The following PEAR1 variants were observed in gnomAD, a reference collection of about 807,000 sequenced individuals.
PEAR1 encodes the protein multiple EGF-like domains protein 12.
A neutral mutation model predicts 131.2 loss-of-function variants in PEAR1; 113 were observed. The ratio of observed to expected loss-of-function variants is 0.86; its 90% CI spans 0.74 to 1.01. The LOEUF (loss-of-function observed/expected upper bound fraction) is 1.01, where lower values mean the gene tolerates loss of function less well. Ranked by LOEUF, PEAR1 falls within the 50% of genes least tolerant of loss-of-function variation. The pLI, the probability that PEAR1 is intolerant of heterozygous loss-of-function variation, is 0.00. For missense variants in PEAR1, 1,408 were observed against 1,391.1 expected (o/e 1.01, Z -0.19); for synonymous variants, 565 against 523.3 (o/e 1.08, Z -1.09).
Position 156,909,901 on chromosome 1 carries a change from A to G in PEAR1, c.1562A>G (p.Gln521Arg). ...CTPGWHGAHC[Q>R]LPCPKGQFGE... ...CCTGGGTGGCATGGGGCCCACTGCCAGCTGCCCTGTCCGGTGAGTGCTGGA... is the reference window on the plus strand; with the variant it reads ...CCTGGGTGGCATGGGGCCCACTGCCGGCTGCCCTGTCCGGTGAGTGCTGGA... Residue 521 changes from glutamine to arginine, a missense_variant, in exon 12 of 23, where the codon CAG becomes CGG. Transcript: ENST00000292357. 2.5e-6 allele frequency: 4 copies of G among 1,608,798 alleles called. No homozygotes were observed. The highest frequency in any genetic ancestry group is 3.4e-6 in the Non-Finnish European group (4 of 1,176,278).
rs1437180915 is a variant in PEAR1 at position 156,914,831 on chromosome 1, C to A, written c.*33C>A. The A allele has an allele frequency of 6.2e-7, 1 of 1,610,490 alleles. No homozygotes were observed. The highest frequency in any genetic ancestry group is 2.2e-5 in the East Asian group (1 of 44,788). ...GGATGGTATGGCAGAGGCCAGCACA[C>A]CTGGCTGTTGCTGCTCAAGGCTGGG... On this transcript the variant is annotated 3_prime_UTR_variant, in exon 23 of 23. Transcript: ENST00000292357.
chr1:156,908,288 T>C lies in PEAR1; in HGVS notation c.1063T>C (p.Tyr355His). 1 of 1,579,034 alleles carries C rather than the reference T, an allele frequency of 6.3e-7. No homozygotes were observed. Among genetic ancestry groups the C allele is most frequent in the Non-Finnish European group, 8.6e-7 (1 of 1,167,230 alleles). Residue 355 changes from tyrosine (Y) to histidine (H), a missense_variant, in exon 9 of 23, where the codon TAC becomes CAC. Transcript: ENST00000292357. This position sits in a 1 kb window ranked among gnomAD's most constrained non-coding sequence, Gnocchi z 4.2. ...CTDRLCPDGF[Y>H]GLSCQAPCTC... ...GGATCGCCTCTGCCCCGACGGCTTC[T>C]ACGGTCTCAGCTGCCAGGCCCCCTG...
intron 14 of PEAR1, 38 bp downstream of exon 14, chr1:156,910,418 AG>A: frequency 1.3e-6 from 2 of 1,562,730 alleles, no homozygotes; most frequent in Non-Finnish European, 1.7e-6. Context: ...TGCCACCAGC[AG>A]GGGGCAGTGT....
Position 156,910,600 on chromosome 1 carries a change from T to G in PEAR1, c.1826-18T>G, listed in dbSNP as rs754930432. 4 of 1,613,206 alleles carry G rather than the reference T, an allele frequency of 2.5e-6. No individual in the cohort carries two copies. Among genetic ancestry groups the G allele is most frequent in the East Asian group, 2.2e-5 (1 of 44,874 alleles). Reference sequence around the variant, plus strand: ...GATTGGCCTCTGCCCCCAATCACCATGTACCCCTTTCCCCCAGCCTGTCAG... The same window carrying G: ...GATTGGCCTCTGCCCCCAATCACCAGGTACCCCTTTCCCCCAGCCTGTCAG... On this transcript the variant is annotated intron_variant, in intron 14 of 22. Coordinates refer to ENST00000292357, the MANE Select transcript of PEAR1 (RefSeq NM_001080471.3).
chr1:156,914,541 C>T, intron 22 of PEAR1, 106 bp from the exon 23 acceptor site: 1 of 1,196,328 alleles, frequency 8.4e-7, no homozygotes, highest in South Asian at 1.6e-5. Flanking sequence ...ATCTGCTTCT[C>T]TTTGCCTTGA....
intron 1 of PEAR1, among the ~76,000 whole-genome samples, chr1:156,899,422 A>G (rs1200763453): frequency 6.6e-6 from 1 of 151,452 alleles, no homozygotes; most frequent in African/African-American, 2.4e-5. Flanking sequence ...CGGGCAGCCC[A>G]TCGTTTTGGG....
intron 17 of PEAR1, 59 bp downstream of exon 17, chr1:156,912,681 C>T: frequency 1.2e-6 from 2 of 1,609,636 alleles, no homozygotes; most frequent in Non-Finnish European, 1.7e-6. Flanking sequence ...GACCTAGGCC[C>T]CTCATACAGT....
chr1:156,915,348 G>A lies in PEAR1; in HGVS notation c.*550G>A, dbSNP rs1162836811. ...TACTCCCTACCTGAAAGCCTTCATA[G>A]GTGCCTCTTTGCTCTTCTGCCAGTA... On this transcript the variant is annotated 3_prime_UTR_variant, in exon 23 of 23. Coordinates refer to ENST00000292357, the MANE Select transcript of PEAR1 (RefSeq NM_001080471.3). The A allele has an allele frequency of 6.6e-6, 1 of 152,302 alleles. No individual in the cohort carries two copies. The highest frequency in any genetic ancestry group is 1.5e-5 in the Non-Finnish European group (1 of 68,102). 9.4% of individuals were successfully genotyped at this position (152,302 alleles called of 1,614,324 possible).
At chr1:156,905,090 G>C (rs6684500) in intron 3 of PEAR1, 97 of 1,282,992 alleles carry the variant, frequency 7.6e-5, no homozygotes, top group East Asian at 6.8e-4. Flanking sequence ...GTTGGGGGGG[G>C]GGCAAGAAGG....
At chr1:156,914,240 C>G (rs1403584297) in intron 22 of PEAR1, 140 bp downstream of exon 22, 15 of 1,362,492 alleles carry the variant, frequency 1.1e-5, no homozygotes, top group Non-Finnish European at 1.4e-5. Flanking sequence ...GGGCTCAAAT[C>G]AGGCATGACG....
rs1486309918 is a variant in PEAR1, at chr1:156,908,094, G to A, written c.903-34G>A. On this transcript the variant is annotated intron_variant, in intron 8 of 22. Transcript: ENST00000292357. This position sits in a 1 kb window ranked among gnomAD's most constrained non-coding sequence, Gnocchi z 4.2. ...GGCGGGAGACGGGAGGGAGGAGGTG[G>A]GGCGCCGCCAGGCTCACTCAGCTAG... The A allele has an allele frequency of 6.3e-7, 1 of 1,581,118 alleles. No individual in the cohort carries two copies. Among genetic ancestry groups the A allele is most frequent in the East Asian group, 2.3e-5 (1 of 43,548 alleles).
chr1:156,912,901 TG>T lies in PEAR1; in HGVS notation c.2343del (p.Trp781CysfsTer139), dbSNP rs767130467. The T allele has an allele frequency of 1.2e-6, 2 of 1,614,204 alleles. No homozygotes were observed. Among genetic ancestry groups the T allele is most frequent in the South Asian group, 2.2e-5 (2 of 91,084 alleles). On this transcript the variant is annotated frameshift_variant, in exon 18 of 23. Transcript: ENST00000292357. LOFTEE classifies it high-confidence loss of function. ...LVALFIGYRH[W>X]QKGKEHHHLA... ...GGCACTGTTCATTGGCTATCGGCACTGGCAAAAAGGCAAGGAGCACCACCAC... is the reference window on the plus strand; with the variant it reads ...GGCACTGTTCATTGGCTATCGGCACTGCAAAAAGGCAAGGAGCACCACCAC...
In PEAR1 at chr1:156,910,228, C is replaced by T. The variant is rs1278521962; in HGVS notation, c.1679-6C>T. On this transcript the variant is annotated splice_region_variant and splice_polypyrimidine_tract_variant and intron_variant, in intron 13 of 22. Transcript: ENST00000292357. ...GCCAGGCACACCCGACTGCTGTCTC[C>T]CACAGGTGCCCGCTGCCACCTGTCC... 2 of 1,609,602 alleles carry T rather than the reference C, an allele frequency of 1.2e-6. No individual in the cohort carries two copies. Among genetic ancestry groups the T allele is most frequent in the East Asian group, 4.5e-5 (2 of 44,786 alleles).
chr1:156,908,871 G>T lies in PEAR1; in HGVS notation c.1290+42G>T. On this transcript the variant is annotated intron_variant, in intron 10 of 22. Transcript: ENST00000292357. The surrounding 1 kb of genome is among the most constrained non-coding windows in gnomAD (Gnocchi z 4.2). ...TGCAAGGAAGCGAGGCAGGTGGAGA[G>T]GCCAAGGAATGGGCCGCCCCTCTCA... 2 of 1,608,256 alleles carry T rather than the reference G, an allele frequency of 1.2e-6. No individual in the cohort carries two copies. The highest frequency in any genetic ancestry group is 1.7e-6 in the Non-Finnish European group (2 of 1,178,744).
intron 17 of PEAR1, 50 bp downstream of exon 17, chr1:156,912,672 A>G (rs566279450): frequency 2.5e-6 from 4 of 1,609,058 alleles, no homozygotes; most frequent in African/African-American, 1.3e-5. Context: ...GGGAACTGGG[A>G]CCTAGGCCCC....
rs772661751 is a variant in PEAR1 at position 156,912,896 on chromosome 1, G to A, written c.2336G>A (p.Arg779Gln). Residue 779 changes from arginine to glutamine, a missense_variant, in exon 18 of 23, where the codon CGG becomes CAG. By Grantham distance (43) the Arg-to-Gln change is conservative. Transcript: ENST00000292357. ...CTGGTGGCACTGTTCATTGGCTATC[G>A]GCACTGGCAAAAAGGCAAGGAGCAC... is the stretch of plus-strand genomic sequence containing the variant. The part of the protein sequence containing the change: ...VALVALFIGY[R>Q]HWQKGKEHHH... 2.5e-5 allele frequency: 40 copies of A among 1,614,078 alleles called. No homozygotes were observed. The highest frequency in any genetic ancestry group is 3.2e-5 in the Non-Finnish European group (38 of 1,180,044).
At position 156,913,087 on chromosome 1, in the gene PEAR1, A is replaced by T. The variant is rs968677755; in HGVS notation, c.2422+105A>T. The stretch of plus-strand genomic sequence containing the variant: ...GGAAGATGAGGAGTGGGGAGGAGGG[A>T]GGAAGGGAGGTCAGGGAGGCCAAAG... On this transcript the variant is annotated intron_variant, in intron 18 of 22. Coordinates refer to ENST00000292357, the MANE Select transcript of PEAR1 (RefSeq NM_001080471.3). 8.4e-6 allele frequency: 13 copies of T among 1,554,224 alleles called. 1 individual carries two copies. In the Admixed American group the frequency reaches 2.2e-4, roughly 26 times the overall value.
intron 3 of PEAR1, 100 bp from the exon 4 acceptor site, chr1:156,905,224 A>G (rs574339307): frequency 1.1e-5 from 14 of 1,287,388 alleles, no homozygotes; most frequent in Non-Finnish European, 1.4e-5. Context: ...CCCTCAGCCC[A>G]GAGTGTTGAG....
At chr1:156,905,063 C>A in intron 3 of PEAR1, 2 of 1,393,688 alleles carry the variant, frequency 1.4e-6, no homozygotes, top group Non-Finnish European at 2.0e-6. Context: ...ATGCATGTTA[C>A]AGTATATGCC....
Sources: gnomAD v4.1 joint callset for allele counts (sites outside exome capture counted in the v4.1 genomes callset) on GRCh38, gnomAD v4.1.1 for gene constraint, Gnocchi (gnomAD v3.1) non-coding constraint, MANE v1.5 for transcripts, NCBI Gene and HGNC (gene_info 2026-07-23, HGNC 2026-07-21) for gene names.